The following SLX4IP variants were observed in gnomAD, a reference collection of about 807,000 sequenced individuals.
SLX4IP encodes SLX4 interacting protein.
A neutral mutation model predicts 32.9 loss-of-function variants in SLX4IP; 34 were observed. The ratio of observed to expected loss-of-function variants is 1.03; its 90% CI spans 0.79 to 1.38. SLX4IP has a LOEUF of 1.38. Among genes scored for constraint, SLX4IP ranks in the 40% most tolerant of loss-of-function variants. The pLI is 0.00. For missense variants in SLX4IP, 444 were observed against 479.0 expected (o/e 0.93, Z 0.68); for synonymous variants, 172 against 171.7 (o/e 1.00, Z -0.01).
At chr20:10,502,804 T>C (rs1339173009) in intron 2 of SLX4IP, among the ~76,000 whole-genome samples, 3 of 152,120 alleles carry the variant, frequency 2.0e-5, no homozygotes, top group African/African-American at 7.2e-5. Context: ...GTCTCTATTC[T>C]AATGCAAGCT....
At chr20:10,582,393 G>T (rs894788289) in intron 4 of SLX4IP, among the ~76,000 whole-genome samples, 3 of 152,060 alleles carry the variant, frequency 2.0e-5, no homozygotes, top group Admixed American at 6.6e-5. Context: ...TTTAAAACCT[G>T]CATTCTGTGT....
intron 2 of SLX4IP, among the ~76,000 whole-genome samples, chr20:10,544,034 A>T (rs757120389): frequency 6.6e-6 from 1 of 152,048 alleles, no homozygotes; most frequent in Non-Finnish European, 1.5e-5. Flanking sequence ...CTGTCTCTCT[A>T]GGTCCTCCAG....
At chr20:10,442,601 T>C (rs372049165) in intron 1 of SLX4IP, among the ~76,000 whole-genome samples, 25 of 152,364 alleles carry the variant, frequency 1.6e-4, no homozygotes, top group African/African-American at 5.5e-4. Flanking sequence ...TTTTGGGTTG[T>C]CCTACACTTC....
At chr20:10,532,778 A>G (rs2066001033) in intron 2 of SLX4IP, among the ~76,000 whole-genome samples, 1 of 146,646 alleles carries the variant, frequency 6.8e-6, no homozygotes, top group Admixed American at 6.8e-5. Flanking sequence ...GCCACAAGCA[A>G]TTTTTTTTTT....
intron 2 of SLX4IP, among the ~76,000 whole-genome samples, chr20:10,498,116 C>G (rs1047680322): frequency 6.7e-6 from 1 of 149,508 alleles, no homozygotes; most frequent in African/African-American, 2.5e-5. Flanking sequence ...TAGCAATATT[C>G]TTCCTTAACA....
At chr20:10,506,681 G>A (rs963165272) in intron 2 of SLX4IP, among the ~76,000 whole-genome samples, 1 of 152,146 alleles carries the variant, frequency 6.6e-6, no homozygotes, top group African/African-American at 2.4e-5. Context: ...CTTCTCTTAG[G>A]GGTCTCACAT....
rs531633123 is a variant in SLX4IP at position 10,499,772 on chromosome 20, G to A, written c.27+41541G>A. On this transcript the variant is annotated intron_variant, in intron 2 of 7. Transcript: ENST00000334534. ...ATTTTTAAAATGTAGTCCTTTAAAAGTCAAAATGATAAAAGTTAAATATTC... is the reference window on the plus strand; with the variant it reads ...ATTTTTAAAATGTAGTCCTTTAAAAATCAAAATGATAAAAGTTAAATATTC... Among the ~76,000 whole-genome samples, 7 of 152,286 alleles carry A rather than the reference G, an allele frequency of 4.6e-5. No individual in the cohort carries two copies. The South Asian group carries it at 1.5e-3, about 32-fold the overall frequency.
At chr20:10,547,531 G>A (rs1433968876) in intron 2 of SLX4IP, among the ~76,000 whole-genome samples, 2 of 152,206 alleles carry the variant, frequency 1.3e-5, no homozygotes, top group African/African-American at 2.4e-5. Context: ...AACCAAGGAA[G>A]TTTCCTTTAA....
chr20:10,462,631 CTGA>C (rs749451687), intron 2 of SLX4IP, among the ~76,000 whole-genome samples: 19 of 152,304 alleles, frequency 1.2e-4, no homozygotes, highest in Non-Finnish European at 2.5e-4. Flanking sequence ...CACTTCCCTT[CTGA>C]TGCACACTGT....
chr20:10,557,579 G>A (rs567145646), intron 3 of SLX4IP, among the ~76,000 whole-genome samples: 1 of 152,308 alleles, frequency 6.6e-6, no homozygotes, highest in East Asian at 1.9e-4. Flanking sequence ...TCCCCAAAGT[G>A]ACCAATAGTC....
At chr20:10,447,778 G>T (rs1323005932) in intron 1 of SLX4IP, among the ~76,000 whole-genome samples, 1 of 151,842 alleles carries the variant, frequency 6.6e-6, no homozygotes, top group African/African-American at 2.4e-5. Context: ...ATGGCTCACT[G>T]CAGCCTTGAA....
chr20:10,563,347 T>G (rs983829856), intron 4 of SLX4IP, among the ~76,000 whole-genome samples: 15 of 152,258 alleles, frequency 9.9e-5, no homozygotes, highest in Admixed American at 9.8e-4. Context: ...TCTTCCATTC[T>G]ACAGGTTGTC....
chr20:10,491,940 C>A (rs1291222727), intron 2 of SLX4IP, among the ~76,000 whole-genome samples: 2 of 152,168 alleles, frequency 1.3e-5, no homozygotes, highest in Non-Finnish European at 1.5e-5. Flanking sequence ...TGCTCATAAA[C>A]AACATTTGGT....
chr20:10,619,207 C>CTTTTTTTTTTCT (rs895955485), intron 6 of SLX4IP, among the ~76,000 whole-genome samples: 1 of 142,572 alleles, frequency 7.0e-6, no homozygotes, highest in South Asian at 2.2e-4. Flanking sequence ...TTTTTCTTTT[C>CTTTTTTTTTTCT]TTTTTTTTTC....
chr20:10,580,499 CTT>C (rs71186104), intron 4 of SLX4IP, among the ~76,000 whole-genome samples: 23 of 134,798 alleles, frequency 1.7e-4, no homozygotes, highest in Admixed American at 2.3e-4. Flanking sequence ...TAGACTTACC[CTT>C]TTTTTTTTTT....
intron 1 of SLX4IP, among the ~76,000 whole-genome samples, chr20:10,441,460 C>G (rs1367625466): frequency 6.6e-6 from 1 of 152,058 alleles, no homozygotes; most frequent in African/African-American, 2.4e-5. Context: ...CAACGAAAAC[C>G]TACTAAATTT....
chr20:10,541,434 G>A (rs2066105067), intron 2 of SLX4IP, among the ~76,000 whole-genome samples: 1 of 152,174 alleles, frequency 6.6e-6, no homozygotes. Context: ...TTCTGAACCA[G>A]GAGTCACTTT....
rs1056470607 is a variant in SLX4IP at position 10,624,031 on chromosome 20, C to G, written c.*652C>G. 2 of 152,490 alleles carry G rather than the reference C, an allele frequency of 1.3e-5. No homozygotes were observed. The highest frequency in any genetic ancestry group is 1.3e-4 in the Admixed American group (2 of 15,306). 9.4% of individuals were successfully genotyped at this position (152,490 alleles called of 1,614,324 possible). On this transcript the variant is annotated 3_prime_UTR_variant, in exon 8 of 8. Coordinates refer to ENST00000334534, the MANE Select transcript of SLX4IP (RefSeq NM_001009608.3). Reference sequence around the variant, plus strand: ...CCTGGTTGCCATGGCCTCCAGCTCACCAGTTGGGGCCAGATGTGCACATGC... The same window carrying G: ...CCTGGTTGCCATGGCCTCCAGCTCAGCAGTTGGGGCCAGATGTGCACATGC...
chr20:10,613,229 G>A, intron 6 of SLX4IP: 2 of 580,872 alleles, frequency 3.4e-6, no homozygotes, highest in South Asian at 4.0e-5. Flanking sequence ...GTTCCTTCAG[G>A]TGAGACCTCA....
Sources: allele counts gnomAD v4.1 joint callset (sites outside exome capture counted in the v4.1 genomes callset), GRCh38; gene constraint gnomAD v4.1.1; transcripts MANE v1.5; gene names NCBI Gene and HGNC (gene_info 2026-07-23, HGNC 2026-07-21).